Variants in ARIH1 observed in about 807,000 individuals in gnomAD.
The protein encoded by ARIH1 is E3 ubiquitin-protein ligase ARIH1.
In ARIH1, 8 loss-of-function variants were observed where a neutral mutation model predicts 85.0. The observed-to-expected ratio is 0.09, with a 90% CI of 0.06 to 0.17. ARIH1 has a LOEUF of 0.17. Ranked by LOEUF, ARIH1 falls within the 10% of genes least tolerant of loss-of-function variation. ARIH1 has a pLI of 1.00. For synonymous variants in ARIH1, 238 were observed against 253.6 expected (o/e 0.94, Z 0.59); for missense variants, 311 against 718.1 (o/e 0.43, Z 6.48).
At chr15:72,542,567 ATAAC>A (rs1183185442) in intron 2 of ARIH1, among the ~76,000 whole-genome samples, 1 of 152,232 alleles carries the variant, frequency 6.6e-6, no homozygotes, top group East Asian at 1.9e-4. Flanking sequence ...ATTATAGTAA[ATAAC>A]TACAGTGGAA....
intron 3 of ARIH1, among the ~76,000 whole-genome samples, chr15:72,545,354 A>G (rs922640691): frequency 2.6e-5 from 4 of 152,208 alleles, no homozygotes; most frequent in Non-Finnish European, 4.4e-5. Context: ...CGTTAATACT[A>G]TTTGCTAGGG....
chr15:72,572,057 C>A (rs771407414), intron 10 of ARIH1, 51 bp from the exon 11 acceptor site: 1 of 1,282,766 alleles, frequency 7.8e-7, no homozygotes, highest in South Asian at 1.3e-5. Flanking sequence ...TTTTTTTTTC[C>A]TTTTCATTGA....
rs2064292928 is a variant in ARIH1 at position 72,581,004 on chromosome 15, C to T, written c.1476+13C>T. 1.9e-6 allele frequency: 3 copies of T among 1,606,952 alleles called. No individual in the cohort carries two copies. The East Asian group carries it at 6.7e-5, about 36-fold the overall frequency. ...CATTATCTTTGAGGTAGGAGTAGTT[C>T]TGGGTGAGGAAAAAGCCCACCTTGT... is the stretch of plus-strand genomic sequence containing the variant. On this transcript the variant is annotated intron_variant, in intron 12 of 13. Transcript: ENST00000379887.
At position 72,555,369 on chromosome 15, in the gene ARIH1, GAT is replaced by G; in HGVS notation, c.681+9_681+10del. 2 of 1,602,564 alleles carry G rather than the reference GAT, an allele frequency of 1.2e-6. No homozygotes were observed. The highest frequency in any genetic ancestry group is 1.7e-6 in the Non-Finnish European group (2 of 1,170,092). On this transcript the variant is annotated splice_region_variant and intron_variant, in intron 4 of 13. Transcript: ENST00000379887. ...TGGAAGAAGGCATGGGTCAGGTAAAGATATCAAGTTGTTTTTCAGTTTTTGTT... is the reference window on the plus strand; with the variant it reads ...TGGAAGAAGGCATGGGTCAGGTAAAGATCAAGTTGTTTTTCAGTTTTTGTT...
chr15:72,493,903 CATAT>C (rs1225009309), intron 1 of ARIH1, among the ~76,000 whole-genome samples: 1 of 151,974 alleles, frequency 6.6e-6, no homozygotes. Flanking sequence ...TTTGTGCATA[CATAT>C]ATTTTCTTGG....
Position 72,523,951 on chromosome 15 carries a change from T to C in ARIH1, c.443+5817T>C, listed in dbSNP as rs1227206021. ...GCTACTTTTACATCTTTTTTTTTTT[T>C]TTTTTTTTTTTTTGAGATGGAGTCT... On this transcript the variant is annotated intron_variant, in intron 2 of 13. Coordinates refer to ENST00000379887, the MANE Select transcript of ARIH1 (RefSeq NM_005744.5). 8.8e-5 allele frequency among the ~76,000 whole-genome samples: 12 copies of C among 135,856 alleles called. No individual in the cohort carries two copies. In the East Asian group the frequency reaches 2.6e-3, roughly 29 times the overall value. The allele number at this position is 135,856 out of a possible 152,430, so 89.1% of individuals were successfully genotyped here. A position where few individuals can be genotyped will look rare whatever the true frequency, so the allele number is the denominator to read the frequency against.
At chr15:72,499,731 G>A (rs2063895024) in intron 1 of ARIH1, among the ~76,000 whole-genome samples, 2 of 152,142 alleles carry the variant, frequency 1.3e-5, no homozygotes, top group African/African-American at 4.8e-5. Context: ...ACTCCTTGGA[G>A]CCCTTCATTC....
chr15:72,562,896 T>TAA (rs36009263), intron 6 of ARIH1, among the ~76,000 whole-genome samples: 1 of 141,942 alleles, frequency 7.0e-6, no homozygotes, highest in African/African-American at 2.6e-5. Context: ...CAGTCATCTT[T>TAA]AAAAAAAAAA....
At chr15:72,492,339 C>T (rs1036351150) in intron 1 of ARIH1, among the ~76,000 whole-genome samples, 8 of 152,008 alleles carry the variant, frequency 5.3e-5, no homozygotes, top group African/African-American at 1.9e-4. Context: ...AGAATAGCAC[C>T]GTGAAACTGT....
rs1055103880 is a variant in ARIH1, at chr15:72,602,375, A to G, written c.*19083A>G. ...AAGTATCTCTTGGAAACTAATTTGC[A>G]TGTTTTTTTTCCTTGCACAGTTATA... On this transcript the variant is annotated 3_prime_UTR_variant, in exon 14 of 14. Transcript: ENST00000379887. The G allele has an allele frequency of 6.6e-6, 1 of 152,236 alleles. No homozygotes were observed. Among genetic ancestry groups the G allele is most frequent in the South Asian group, 2.1e-4 (1 of 4,822 alleles). 9.4% of individuals were successfully genotyped at this position (152,236 alleles called of 1,614,324 possible). A position where few individuals can be genotyped will look rare whatever the true frequency, so the allele number is the denominator to read the frequency against.
chr15:72,537,566 A>C (rs2140420500), intron 2 of ARIH1, among the ~76,000 whole-genome samples: 2 of 152,290 alleles, frequency 1.3e-5, no homozygotes, highest in South Asian at 4.1e-4. Flanking sequence ...TTTGCTTTTT[A>C]TAAATGTGAC....
chr15:72,558,184 T>C (rs2064182822), intron 5 of ARIH1, among the ~76,000 whole-genome samples: 1 of 152,236 alleles, frequency 6.6e-6, no homozygotes, highest in Non-Finnish European at 1.5e-5. Context: ...CATAGATGGC[T>C]CTTAATGTTT....
intron 2 of ARIH1, among the ~76,000 whole-genome samples, chr15:72,519,700 T>C (rs1027441414): frequency 1.3e-5 from 2 of 151,934 alleles, no homozygotes; most frequent in African/African-American, 4.8e-5. Context: ...GTCAGGCTGG[T>C]CTCGAACTCC....
chr15:72,556,138 T>A (rs558578644), intron 5 of ARIH1, among the ~76,000 whole-genome samples: 1 of 152,154 alleles, frequency 6.6e-6, no homozygotes, highest in African/African-American at 2.4e-5. Context: ...AACCTTGGGA[T>A]TGGAGATTAG....
At chr15:72,526,639 G>A (rs1014368025) in intron 2 of ARIH1, among the ~76,000 whole-genome samples, 1 of 152,080 alleles carries the variant, frequency 6.6e-6, no homozygotes, top group Non-Finnish European at 1.5e-5. Flanking sequence ...GCCGAGGTGG[G>A]TGTCTCACTT....
chr15:72,531,375 C>G (rs114844443), intron 2 of ARIH1, among the ~76,000 whole-genome samples: 3 of 152,140 alleles, frequency 2.0e-5, no homozygotes, highest in Admixed American at 6.5e-5. Context: ...TCAAGGCATT[C>G]TAGGGCCTCA....
intron 1 of ARIH1, among the ~76,000 whole-genome samples, chr15:72,480,473 C>G (rs1300419196): frequency 6.6e-6 from 1 of 151,972 alleles, no homozygotes; most frequent in African/African-American, 2.4e-5. Flanking sequence ...GTTGGCCAGG[C>G]TGGTCTCGAA....
intron 12 of ARIH1, chr15:72,581,689 G>C (rs1353862360): frequency 5.9e-6 from 1 of 168,938 alleles, no homozygotes; most frequent in African/African-American, 2.4e-5. Context: ...TCCATACAGT[G>C]TTTTCTTATA....
chr15:72,551,640 C>T (rs768507749), intron 3 of ARIH1, among the ~76,000 whole-genome samples: 6 of 152,078 alleles, frequency 3.9e-5, no homozygotes, highest in Non-Finnish European at 7.4e-5. Flanking sequence ...AATTCACAAG[C>T]GGTAAATTTA....
Sources: allele counts gnomAD v4.1 joint callset (sites outside exome capture counted in the v4.1 genomes callset), GRCh38; gene constraint gnomAD v4.1.1; transcripts MANE v1.5; gene names NCBI Gene and HGNC (gene_info 2026-07-23, HGNC 2026-07-21).